Variants in SYT7 observed in about 807,000 individuals in gnomAD.
SYT7 encodes the protein synaptotagmin-7.
Under a neutral mutation model 75.1 loss-of-function variants are expected in SYT7, and 29 were observed. The observed-to-expected ratio is 0.39, with a 90% CI of 0.29 to 0.53. The LOEUF (loss-of-function observed/expected upper bound fraction) is 0.53, where lower values mean the gene tolerates loss of function less well. SYT7 is among the 20% of genes least tolerant of loss of function. The probability of loss-of-function intolerance (pLI) is 0.77; values close to 1 mark genes in which losing one functional copy is unlikely to be tolerated. For missense variants in SYT7, 693 were observed against 953.2 expected, an observed-to-expected ratio of 0.73 and a Z score of 3.59; for synonymous variants, 376 against 401.7, an observed-to-expected ratio of 0.94 and a Z score of 0.76.
At position 61,533,048 on chromosome 11, in the gene SYT7, T is replaced by G; in HGVS notation, c.1141A>C (p.Thr381Pro). 6.2e-7 allele frequency: 1 copy of G among 1,613,530 alleles called. No homozygotes were observed. The highest frequency in any genetic ancestry group is 1.3e-5 in the African/African-American group (1 of 75,052). Reference protein sequence around the residue: ...QTPHDESDRRTEPRSSVSDLV... With the variant: ...QTPHDESDRRPEPRSSVSDLV... ...TCTGAGACGGAGGAACGTGGCTCGG[T>G]CCGGCGGTCGGACTCATCGTGGGGT... Residue 381 changes from threonine (T) to proline (P), a missense_variant, in exon 8 of 13, where the codon ACC (threonine) becomes CCC (proline). Transcript: ENST00000539008.
chr11:61,540,967 A>G (rs1277154682), intron 6 of SYT7: 1 of 985,296 alleles, frequency 1.0e-6, no homozygotes, highest in Non-Finnish European at 1.2e-6. Context: ...CCCAGAGAAT[A>G]TGGTGTCCTG....
chr11:61,542,960 G>C lies in SYT7; in HGVS notation c.573-381C>G, dbSNP rs945970440. Among the ~76,000 whole-genome samples, 1 of 152,232 alleles carries C rather than the reference G, an allele frequency of 6.6e-6. No homozygotes were observed. Among genetic ancestry groups the C allele is most frequent in the African/African-American group, 2.4e-5 (1 of 41,462 alleles). On this transcript the variant is annotated intron_variant, in intron 5 of 12. Coordinates refer to ENST00000539008, the MANE Select transcript of SYT7 (RefSeq NM_001365809.2). The surrounding 1 kb of genome is among the most constrained non-coding windows in gnomAD (Gnocchi z 7.8). ...AGCTGCCTGTCATGTTGGAGTGGGA[G>C]GGGTAGAGGGAGCTGCTGTGGCCCC...
chr11:61,575,380 TC>T (rs1374219863), intron 1 of SYT7, among the ~76,000 whole-genome samples: 1 of 152,082 alleles, frequency 6.6e-6, no homozygotes, highest in Non-Finnish European at 1.5e-5. Flanking sequence ...TAGGCAGCCC[TC>T]CTCTTAGGGC....
intron 6 of SYT7, chr11:61,539,676 C>T (rs1265979613): frequency 6.6e-6 from 1 of 152,196 alleles, no homozygotes; most frequent in Non-Finnish European, 1.5e-5. Flanking sequence ...GCTCTAACTT[C>T]TCAGAGCAGT....
At chr11:61,565,908 G>A (rs574910454) in intron 1 of SYT7, among the ~76,000 whole-genome samples, 5 of 152,268 alleles carry the variant, frequency 3.3e-5, no homozygotes, top group Non-Finnish European at 7.3e-5. Flanking sequence ...GCGCTGGCTG[G>A]GGCCGCAGAG....
At chr11:61,540,631 G>A in intron 6 of SYT7, 1 of 985,542 alleles carries the variant, frequency 1.0e-6, no homozygotes, top group Non-Finnish European at 1.2e-6. Flanking sequence ...AGTTAGTTGA[G>A]AAGGCAGCAG....
rs1272156195 is a variant in SYT7, at chr11:61,551,912, G to T, written c.136-449C>A. Reference sequence around the variant, plus strand: ...GTGGCCAGTGATGTGAGCAGTGGGGGCGGGGAGAAGGCCATGTCCCCAGTC... The same window carrying T: ...GTGGCCAGTGATGTGAGCAGTGGGGTCGGGGAGAAGGCCATGTCCCCAGTC... On this transcript the variant is annotated intron_variant, in intron 2 of 12. Coordinates refer to ENST00000539008, the MANE Select transcript of SYT7 (RefSeq NM_001365809.2). This position sits in a 1 kb window ranked among gnomAD's most constrained non-coding sequence, Gnocchi z 5.3. Among the ~76,000 whole-genome samples, 1 of 152,196 alleles carries T rather than the reference G, an allele frequency of 6.6e-6. No individual in the cohort carries two copies. Among genetic ancestry groups the T allele is most frequent in the Non-Finnish European group, 1.5e-5 (1 of 68,018 alleles).
chr11:61,529,433 C>T (rs1347868013), intron 8 of SYT7, among the ~76,000 whole-genome samples: 1 of 152,214 alleles, frequency 6.6e-6, no homozygotes, highest in Non-Finnish European at 1.5e-5. Flanking sequence ...CAGGTGTCAC[C>T]ACCCTCTAGC....
At chr11:61,530,445 T>G (rs763523859) in intron 8 of SYT7, among the ~76,000 whole-genome samples, 5 of 152,142 alleles carry the variant, frequency 3.3e-5, no homozygotes, top group Non-Finnish European at 5.9e-5. Flanking sequence ...CCCCACACCC[T>G]TTGACCCTGT....
chr11:61,515,364 G>A lies in SYT7; in HGVS notation c.*3263C>T, dbSNP rs2062122947. ...AGAACAGGCCTTGCCACAAAAAGCA[G>A]GGCCCATTCCCACAAAAATATGATT... On this transcript the variant is annotated 3_prime_UTR_variant, in exon 13 of 13. Coordinates refer to ENST00000539008, the MANE Select transcript of SYT7 (RefSeq NM_001365809.2). The A allele has an allele frequency of 6.6e-6, 1 of 152,168 alleles. No homozygotes were observed. The highest frequency in any genetic ancestry group is 1.5e-5 in the Non-Finnish European group (1 of 68,032). 9.4% of individuals were successfully genotyped at this position (152,168 alleles called of 1,614,324 possible). A position where few individuals can be genotyped will look rare whatever the true frequency, so the allele number is the denominator to read the frequency against.
intron 5 of SYT7, among the ~76,000 whole-genome samples, chr11:61,544,175 G>A (rs978412971): frequency 2.6e-5 from 4 of 152,162 alleles, no homozygotes; most frequent in African/African-American, 9.7e-5. Flanking sequence ...TAACTTTGCT[G>A]ACCTCTGGTC....
intron 1 of SYT7, among the ~76,000 whole-genome samples, chr11:61,557,784 AG>A (rs1211723403): frequency 2.6e-5 from 4 of 152,196 alleles, no homozygotes; most frequent in African/African-American, 4.8e-5. Flanking sequence ...GCAATCACCA[AG>A]GTCCTGCCCC....
At chr11:61,570,001 A>C (rs1331995950) in intron 1 of SYT7, among the ~76,000 whole-genome samples, 1 of 152,200 alleles carries the variant, frequency 6.6e-6, no homozygotes, top group East Asian at 1.9e-4. Context: ...CCTCCCTGCC[A>C]ACCTGCCACC....
chr11:61,581,825 A>G (rs559576945), upstream of SYT7, among the ~76,000 whole-genome samples: 67 of 152,094 alleles, frequency 4.4e-4, no homozygotes, highest in African/African-American at 1.5e-3. Flanking sequence ...TGACCCTAGC[A>G]CTTCGGAGGG....
chr11:61,576,174 G>T lies in SYT7; in HGVS notation c.31+4616C>A, dbSNP rs2064071487. 6.6e-6 allele frequency among the ~76,000 whole-genome samples: 1 copy of T among 152,242 alleles called. No homozygotes were observed. ...TCTGTTCCAGCCCTTGGGGAATTCT[G>T]CTGGGTGAGACCAAAGCCCTGCCCT... On this transcript the variant is annotated intron_variant, in intron 1 of 12. Coordinates refer to ENST00000539008, the MANE Select transcript of SYT7 (RefSeq NM_001365809.2). This position sits in a 1 kb window ranked among gnomAD's most constrained non-coding sequence, Gnocchi z 4.1.
At position 61,523,212 on chromosome 11, in the gene SYT7, T is replaced by C; in HGVS notation, c.1819A>G (p.Thr607Ala). The C allele has an allele frequency of 6.2e-7, 1 of 1,614,204 alleles. No individual in the cohort carries two copies. The highest frequency in any genetic ancestry group is 1.1e-5 in the South Asian group (1 of 91,084). The change falls in exon 12 of 13, where the codon ACG becomes GCG. Residue 607 changes from threonine to alanine, a missense_variant. Transcript: ENST00000539008. The surrounding 1 kb of genome is among the most constrained non-coding windows in gnomAD (Gnocchi z 5.0). ...DKRVEKKKTV[T>A]MKRNLNPIFN... ...ATGGGGTTCAGGTTCCTCTTCATCG[T>C]CACCGTCTTCTTCTTCTCCACCCGC...
In SYT7 at chr11:61,518,670, C is replaced by T. The variant is rs779095167; in HGVS notation, c.2018G>A (p.Arg673His). 23 of 1,549,644 alleles carry T rather than the reference C, an allele frequency of 1.5e-5. No individual in the cohort carries two copies. The highest frequency in any genetic ancestry group is 1.7e-4 in the Middle Eastern group (1 of 5,850). ...CCACTGGGCCACGGGCTGCCGGGGA[C>T]GGGCAATCATGTCCTTCCAGTGCTT... ...EVKHWKDMIARPRQPVAQWHQ... is the reference protein window; with the variant it reads ...EVKHWKDMIAHPRQPVAQWHQ... Residue 673 changes from arginine to histidine, a missense_variant, in exon 13 of 13, where the codon CGT becomes CAT. Arg to His is a conservative substitution (Grantham distance 29, BLOSUM62 0). Transcript: ENST00000539008.
intron 5 of SYT7, 89 bp downstream of exon 5, chr11:61,545,942 G>T: frequency 8.3e-7 from 1 of 1,211,722 alleles, no homozygotes; most frequent in Non-Finnish European, 1.1e-6. Context: ...TCTGGGGGCA[G>T]CAGCGGGCAT....
At chr11:61,548,222 G>A (rs760587857) in intron 3 of SYT7, among the ~76,000 whole-genome samples, 1 of 152,228 alleles carries the variant, frequency 6.6e-6, no homozygotes, top group African/African-American at 2.4e-5. Context: ...CTGTGTAGCG[G>A]GAACCTGTCC....
Sources: allele counts gnomAD v4.1 joint callset (sites outside exome capture counted in the v4.1 genomes callset), GRCh38; gene constraint gnomAD v4.1.1; non-coding constraint Gnocchi (gnomAD v3.1); transcripts MANE v1.5; gene names NCBI Gene and HGNC (gene_info 2026-07-23, HGNC 2026-07-21).